DENND2B: variants seen among roughly 807,000 people sequenced by gnomAD.
The protein encoded by DENND2B is DENN domain containing 2B, also known as DENN domain-containing protein 2B.
In DENND2B, 32 loss-of-function variants were observed where a neutral mutation model predicts 116.0. The ratio of observed to expected loss-of-function variants is 0.28; its 90% confidence interval spans 0.21 to 0.37. The LOEUF (loss-of-function observed/expected upper bound fraction) is 0.37. Among genes scored for constraint, DENND2B ranks in the 10% least tolerant of loss-of-function variants. The pLI is 1.00. For missense variants in DENND2B, 1,276 were observed against 1,477.7 expected, an observed-to-expected ratio of 0.86 and a Z score of 2.24; for synonymous variants, 588 against 583.9, an observed-to-expected ratio of 1.01 and a Z score of -0.10.
At chr11:8,754,405 A>C (rs1593197156) in intron 1 of DENND2B, among the ~76,000 whole-genome samples, 1 of 152,226 alleles carries the variant, frequency 6.6e-6, no homozygotes, top group Admixed American at 6.5e-5. Context: ...CTATAACAAA[A>C]AAAGACAGAT....
chr11:8,751,282 T>C (rs528587872), intron 1 of DENND2B, among the ~76,000 whole-genome samples: 1 of 152,248 alleles, frequency 6.6e-6, no homozygotes, highest in South Asian at 2.1e-4. Context: ...ATCAGCACCC[T>C]GTCAAAAAGG....
At chr11:8,788,713 CTT>C (rs2059126609) in intron 1 of DENND2B, among the ~76,000 whole-genome samples, 2 of 152,188 alleles carry the variant, frequency 1.3e-5, no homozygotes, top group Admixed American at 6.5e-5. Flanking sequence ...TCCACTTCCA[CTT>C]GAGTCACCCA....
At chr11:8,718,366 G>A in intron 4 of DENND2B, 4 of 1,535,348 alleles carry the variant, frequency 2.6e-6, no homozygotes, top group African/African-American at 1.4e-5. Context: ...TACTTTGGAG[G>A]GTGGGCATGG....
intron 1 of DENND2B, among the ~76,000 whole-genome samples, chr11:8,891,255 A>G (rs2064028870): frequency 6.6e-6 from 1 of 152,258 alleles, no homozygotes; most frequent in Non-Finnish European, 1.5e-5. Flanking sequence ...AAACATGGAA[A>G]GGAACAACCG....
intron 1 of DENND2B, among the ~76,000 whole-genome samples, chr11:8,793,899 CTT>C (rs1372336814): frequency 6.6e-6 from 1 of 152,114 alleles, no homozygotes; most frequent in Admixed American, 6.5e-5. Flanking sequence ...AGAGCATAAA[CTT>C]TTCGTGTAAA....
At chr11:8,868,423 T>C (rs576017832) in intron 2 of DENND2B, among the ~76,000 whole-genome samples, 1 of 152,212 alleles carries the variant, frequency 6.6e-6, no homozygotes, top group African/African-American at 2.4e-5. Flanking sequence ...GTTCCAGCCC[T>C]TGAGCCAGAA....
At chr11:8,895,716 C>T (rs1456572438) in intron 1 of DENND2B, 4 of 152,128 alleles carry the variant, frequency 2.6e-5, no homozygotes, top group African/African-American at 9.7e-5. Flanking sequence ...CTGAAGTATA[C>T]ACTTAAAAAT....
chr11:8,693,941 T>C lies in DENND2B; in HGVS notation c.*155A>G. 1 of 668,640 alleles carries C rather than the reference T, an allele frequency of 1.5e-6. No homozygotes were observed. The highest frequency in any genetic ancestry group is 2.1e-5 in the South Asian group (1 of 48,220). 41.4% of individuals were successfully genotyped at this position (668,640 alleles called of 1,614,324 possible). A position where few individuals can be genotyped will look rare whatever the true frequency, so the allele number is the denominator to read the frequency against. Reference sequence around the variant, plus strand: ...CTTACAGCAGATTATTTACAAACAGTATCCTGGGATATGATGAAGGCAGAG... The same window carrying C: ...CTTACAGCAGATTATTTACAAACAGCATCCTGGGATATGATGAAGGCAGAG... On this transcript the variant is annotated 3_prime_UTR_variant, in exon 20 of 20. Transcript: ENST00000313726.
At chr11:8,714,583 T>C (rs913195132) in intron 7 of DENND2B, 27 bp downstream of exon 7, 3 of 1,602,206 alleles carry the variant, frequency 1.9e-6, no homozygotes, top group Non-Finnish European at 2.6e-6. Context: ...CCCAAACAGC[T>C]GAACCAGCTC....
chr11:8,798,709 AC>A (rs776362600), intron 1 of DENND2B, among the ~76,000 whole-genome samples: 3 of 152,108 alleles, frequency 2.0e-5, no homozygotes, highest in Admixed American at 6.6e-5. Context: ...GGGAAAAAAA[AC>A]CCACCTGGGT....
chr11:8,698,503 G>A (rs2040868310), intron 16 of DENND2B, among the ~76,000 whole-genome samples: 1 of 152,192 alleles, frequency 6.6e-6, no homozygotes, highest in Non-Finnish European at 1.5e-5. Flanking sequence ...GACTAACAAA[G>A]GCTTTTTGTA....
At chr11:8,729,297 G>C (rs1430268851) in intron 3 of DENND2B, among the ~76,000 whole-genome samples, 1 of 152,116 alleles carries the variant, frequency 6.6e-6, no homozygotes, top group East Asian at 1.9e-4. Context: ...AAGTTACCGG[G>C]GAGACAGCCC....
chr11:8,838,535 GACTA>G (rs1461347726), intron 4 of DENND2B, among the ~76,000 whole-genome samples: 1 of 152,178 alleles, frequency 6.6e-6, no homozygotes, highest in African/African-American at 2.4e-5. Context: ...GTTTGGCAGG[GACTA>G]ACTAAATATT....
At chr11:8,840,589 G>A (rs2062590686) in intron 3 of DENND2B, among the ~76,000 whole-genome samples, 1 of 151,942 alleles carries the variant, frequency 6.6e-6, no homozygotes, top group Non-Finnish European at 1.5e-5. Flanking sequence ...AACCAAACAG[G>A]ATAATTCCTT....
At chr11:8,895,098 A>G (rs1030700435) in intron 1 of DENND2B, among the ~76,000 whole-genome samples, 7 of 152,128 alleles carry the variant, frequency 4.6e-5, no homozygotes, top group African/African-American at 1.7e-4. Flanking sequence ...TGTCCTTTGT[A>G]GGGACACGGA....
At chr11:8,714,775 T>C in intron 6 of DENND2B, 69 bp from the exon 7 acceptor site, 1 of 1,330,506 alleles carries the variant, frequency 7.5e-7, no homozygotes, top group South Asian at 1.2e-5. Context: ...GAAGGCTGAG[T>C]AGGAGCCCAT....
chr11:8,786,397 CCTTA>C (rs2058903714), intron 1 of DENND2B, among the ~76,000 whole-genome samples: 1 of 152,130 alleles, frequency 6.6e-6, no homozygotes, highest in South Asian at 2.1e-4. Flanking sequence ...TTCAATATTG[CCTTA>C]CATATCCATA....
intron 1 of DENND2B, among the ~76,000 whole-genome samples, chr11:8,897,952 C>A (rs1267834575): frequency 6.6e-6 from 1 of 152,112 alleles, no homozygotes; most frequent in East Asian, 1.9e-4. Flanking sequence ...TTAAAAATTT[C>A]TTGCGAAGAC....
chr11:8,746,080 G>C (rs1462068287), intron 2 of DENND2B, among the ~76,000 whole-genome samples: 1 of 151,598 alleles, frequency 6.6e-6, no homozygotes, highest in East Asian at 1.9e-4. Context: ...ATTCTAGGAA[G>C]CATCTCGAGT....
Sources: allele counts gnomAD v4.1 joint callset (sites outside exome capture counted in the v4.1 genomes callset), GRCh38; gene constraint gnomAD v4.1.1; transcripts MANE v1.5; gene names NCBI Gene and HGNC (gene_info 2026-07-23, HGNC 2026-07-21).